Variants in DISC1 observed in about 807,000 individuals in gnomAD.
The protein encoded by DISC1 is disrupted in schizophrenia 1 protein.
DISC1 carries 57 observed loss-of-function variants against 84.5 expected under a neutral mutation model. The observed-to-expected ratio is 0.67, with a 90% CI of 0.55 to 0.84. The LOEUF (loss-of-function observed/expected upper bound fraction) is 0.84. DISC1 is among the 40% of genes least tolerant of loss of function. DISC1 has a pLI of 0.00. For missense variants in DISC1, 1,000 were observed against 1,057.8 expected, an observed-to-expected ratio of 0.95 and a Z score of 0.76; for synonymous variants, 411 against 415.2, an observed-to-expected ratio of 0.99 and a Z score of 0.12.
At chr1:231,948,267 A>G (rs552415182) in intron 9 of DISC1, among the ~76,000 whole-genome samples, 26 of 152,336 alleles carry the variant, frequency 1.7e-4, no homozygotes, top group African/African-American at 6.3e-4. Flanking sequence ...ATGGAATACT[A>G]TGCAGCCATA....
intron 7 of DISC1, among the ~76,000 whole-genome samples, chr1:231,799,730 T>C (rs1395646763): frequency 6.6e-6 from 1 of 151,362 alleles, no homozygotes; most frequent in Non-Finnish European, 1.5e-5. Context: ...CTCTGTTAGC[T>C]CCTATCAGTT....
chr1:232,020,711 GA>G (rs965412993), intron 11 of DISC1, among the ~76,000 whole-genome samples: 1 of 150,786 alleles, frequency 6.6e-6, no homozygotes, highest in African/African-American at 2.4e-5. Flanking sequence ...CACCTTCTTT[GA>G]AAAAAAAAGT....
chr1:231,892,146 C>G (rs1418531451), intron 9 of DISC1, among the ~76,000 whole-genome samples: 1 of 152,170 alleles, frequency 6.6e-6, no homozygotes, highest in African/African-American at 2.4e-5. Flanking sequence ...ATTGACACAC[C>G]TGGGAATGGC....
chr1:231,872,988 A>C (rs894290475), intron 9 of DISC1, among the ~76,000 whole-genome samples: 9 of 152,246 alleles, frequency 5.9e-5, no homozygotes, highest in African/African-American at 2.2e-4. Context: ...GCATATAAAG[A>C]TGTATTCCAG....
intron 1 of DISC1, among the ~76,000 whole-genome samples, chr1:231,639,182 C>T (rs1016231987): frequency 6.6e-6 from 1 of 152,110 alleles, no homozygotes; most frequent in African/African-American, 2.4e-5. Context: ...CTTGGGCTCA[C>T]AAGCACACTT....
chr1:231,762,234 T>C (rs1310531382), intron 4 of DISC1, among the ~76,000 whole-genome samples: 1,306 of 50,182 alleles, frequency 0.026, 17 homozygotes, highest in African/African-American at 0.08. Flanking sequence ...TTTTCTTTTC[T>C]TTTCTTTTCT....
At chr1:231,908,634 G>T (rs1482898866) in intron 9 of DISC1, among the ~76,000 whole-genome samples, 2 of 152,172 alleles carry the variant, frequency 1.3e-5, no homozygotes, top group Non-Finnish European at 2.9e-5. Flanking sequence ...TTTGGCTTAG[G>T]ATTGTCTTGG....
chr1:231,803,084 A>G (rs989286758), intron 8 of DISC1, among the ~76,000 whole-genome samples: 147 of 152,284 alleles, frequency 9.7e-4, no homozygotes, highest in African/African-American at 3.5e-3. Flanking sequence ...GCCCATGGAA[A>G]TACAATTTGG....
intron 9 of DISC1, among the ~76,000 whole-genome samples, chr1:231,856,920 G>A (rs911310431): frequency 6.6e-6 from 1 of 152,210 alleles, no homozygotes; most frequent in Non-Finnish European, 1.5e-5. Context: ...CTTAGGCAGA[G>A]TGGGCTGCAG....
At chr1:231,677,625 A>T (rs184429813) in intron 1 of DISC1, among the ~76,000 whole-genome samples, 128 of 152,366 alleles carry the variant, frequency 8.4e-4, no homozygotes, top group African/African-American at 3.0e-3. Context: ...GCAAACTGAG[A>T]CCTGGAGAGG....
intron 3 of DISC1, chr1:231,721,149 G>A: frequency 1.6e-6 from 2 of 1,242,398 alleles, no homozygotes; most frequent in Non-Finnish European, 1.1e-6. Context: ...ACCTTGCTGG[G>A]CTGATGAAAG....
chr1:231,806,454 A>G (rs2079719958), intron 8 of DISC1, among the ~76,000 whole-genome samples: 1 of 152,126 alleles, frequency 6.6e-6, no homozygotes, highest in South Asian at 2.1e-4. Flanking sequence ...AGCCTGGGAG[A>G]CCTGCTGGCT....
intron 9 of DISC1, among the ~76,000 whole-genome samples, chr1:231,888,913 C>A (rs569064591): frequency 6.6e-6 from 1 of 152,108 alleles, no homozygotes; most frequent in African/African-American, 2.4e-5. Context: ...AGATAGAATT[C>A]CCGATGAAGC....
intron 4 of DISC1, among the ~76,000 whole-genome samples, chr1:231,759,852 C>T (rs1458001375): frequency 6.6e-6 from 1 of 152,130 alleles, no homozygotes; most frequent in Non-Finnish European, 1.5e-5. Context: ...GTCATGGCCT[C>T]AATAAGAGAA....
intron 2 of DISC1, 43 bp downstream of exon 2, chr1:231,694,848 C>T (rs2065441583): frequency 6.2e-7 from 1 of 1,603,656 alleles, no homozygotes; most frequent in Non-Finnish European, 8.5e-7. Flanking sequence ...TTGTCGTGAG[C>T]TCAGATTAGC....
At chr1:231,825,219 G>A (rs1474362914) in intron 9 of DISC1, among the ~76,000 whole-genome samples, 6 of 151,860 alleles carry the variant, frequency 4.0e-5, no homozygotes, top group East Asian at 1.9e-4. Context: ...CTTAAAATAC[G>A]TAAGTCACTT....
At position 231,675,646 on chromosome 1, in the gene DISC1, G is replaced by A. The variant is rs939542752; in HGVS notation, c.68-18180G>A. Among the ~76,000 whole-genome samples, 2 of 152,124 alleles carry A rather than the reference G, an allele frequency of 1.3e-5. No homozygotes were observed. The highest frequency in any genetic ancestry group is 4.8e-5 in the African/African-American group (2 of 41,432). On this transcript the variant is annotated intron_variant, in intron 1 of 12. Coordinates refer to ENST00000439617, the MANE Select transcript of DISC1 (RefSeq NM_018662.3). The surrounding 1 kb of genome is among the most constrained non-coding windows in gnomAD (Gnocchi z 4.1). The stretch of plus-strand genomic sequence containing the variant: ...CTTAAAGATGGTGCTGTGAGGGACA[G>A]CCATGGAGGCCCATGTGCGCCATTG...
At chr1:231,851,577 T>C (rs866327035) in intron 9 of DISC1, among the ~76,000 whole-genome samples, 1 of 152,168 alleles carries the variant, frequency 6.6e-6, no homozygotes, top group South Asian at 2.1e-4. Context: ...GAAAGAAGAC[T>C]TGGGGCTCCC....
At chr1:231,871,487 G>A (rs978870907) in intron 9 of DISC1, among the ~76,000 whole-genome samples, 1 of 152,212 alleles carries the variant, frequency 6.6e-6, no homozygotes, top group South Asian at 2.1e-4. Context: ...TTCTCTCTTT[G>A]ACTAGAATTG....
Sources: gnomAD v4.1 joint callset for allele counts (sites outside exome capture counted in the v4.1 genomes callset) on GRCh38, gnomAD v4.1.1 for gene constraint, Gnocchi (gnomAD v3.1) non-coding constraint, MANE v1.5 for transcripts, NCBI Gene and HGNC (gene_info 2026-07-23, HGNC 2026-07-21) for gene names.